Variants in FIRRM observed in about 807,000 individuals in gnomAD.
FIRRM encodes the protein FIGNL1 interacting regulator of recombination and mitosis.
the FIRRM span, among the ~76,000 whole-genome samples, chr1:169,804,670 A>C: frequency 6.6e-6 from 1 of 152,072 alleles, no homozygotes; most frequent in African/African-American, 2.4e-5. Context: ...TGCACTTTAT[A>C]CTAGTTTATT....
chr1:169,807,396 T>G, the FIRRM span, among the ~76,000 whole-genome samples: 1 of 152,230 alleles, frequency 6.6e-6, no homozygotes, highest in African/African-American at 2.4e-5. Flanking sequence ...CTCTCTATTG[T>G]AGCACCTTAG....
At chr1:169,845,413 C>T in the FIRRM span, among the ~76,000 whole-genome samples, 6 of 152,094 alleles carry the variant, frequency 3.9e-5, no homozygotes, top group African/African-American at 7.2e-5. Flanking sequence ...TCTTAAAATA[C>T]GACAATGAAG....
At chr1:169,851,039 A>C in the FIRRM span, 6 of 12,912 alleles carry the variant, frequency 4.6e-4, no homozygotes, top group Non-Finnish European at 6.4e-4. Context: ...GGGTAAGCTC[A>C]GGGCCCTTTT....
the FIRRM span, chr1:169,853,658 G>A: frequency 6.3e-7 from 1 of 1,585,776 alleles, no homozygotes. Flanking sequence ...TTGAGGTATT[G>A]ATTTTTTTTA....
chr1:169,798,587 A>C, the FIRRM span, among the ~76,000 whole-genome samples: 42 of 151,154 alleles, frequency 2.8e-4, no homozygotes, highest in African/African-American at 9.2e-4. Context: ...CCCTCTCTCT[A>C]AAAAAAAATA....
chr1:169,847,913 T>G, the FIRRM span: 1 of 637,208 alleles, frequency 1.6e-6, no homozygotes, highest in Non-Finnish European at 2.7e-6. Flanking sequence ...CTGACAAAGT[T>G]GGAAAAAAAA....
the FIRRM span, among the ~76,000 whole-genome samples, chr1:169,820,043 A>G: frequency 1.3e-5 from 2 of 152,170 alleles, no homozygotes; most frequent in African/African-American, 4.8e-5. Context: ...TGAACCCCCA[A>G]ATTCCTGTCC....
At chr1:169,819,279 G>A in the FIRRM span, among the ~76,000 whole-genome samples, 10 of 152,304 alleles carry the variant, frequency 6.6e-5, no homozygotes, top group Non-Finnish European at 1.3e-4. Context: ...TCTCTCAATG[G>A]GGGTTGAGGG....
chr1:169,827,837 C>A, the FIRRM span: 2 of 1,613,742 alleles, frequency 1.2e-6, no homozygotes, highest in Non-Finnish European at 1.7e-6. Flanking sequence ...GAAACGACAA[C>A]CAGGTAGCAA....
chr1:169,799,273 G>A, the FIRRM span, among the ~76,000 whole-genome samples: 10 of 152,178 alleles, frequency 6.6e-5, no homozygotes, highest in Admixed American at 2.6e-4. Context: ...CTACTGAATA[G>A]CTATCAGCCT....
the FIRRM span, among the ~76,000 whole-genome samples, chr1:169,844,969 A>T: frequency 6.6e-6 from 1 of 152,232 alleles, no homozygotes; most frequent in Admixed American, 6.5e-5. Flanking sequence ...TGCAAAATAA[A>T]AAATAATATG....
the FIRRM span, among the ~76,000 whole-genome samples, chr1:169,798,564 G>T: frequency 6.6e-6 from 1 of 151,798 alleles, no homozygotes; most frequent in Non-Finnish European, 1.5e-5. Context: ...ACCCCACTTG[G>T]CCCCGAGCGA....
the FIRRM span, among the ~76,000 whole-genome samples, chr1:169,802,927 CCTA>C: frequency 1.3e-5 from 2 of 152,084 alleles, no homozygotes; most frequent in East Asian, 3.8e-4. Flanking sequence ...GCTAGCTGAC[CCTA>C]CCTGTATTTT....
chr1:169,784,385 A>G, the FIRRM span, among the ~76,000 whole-genome samples: 1 of 152,152 alleles, frequency 6.6e-6, no homozygotes, highest in South Asian at 2.1e-4. Flanking sequence ...AATTGCAGGC[A>G]ACCCCTTGAC....
chr1:169,820,625 G>C, the FIRRM span, among the ~76,000 whole-genome samples: 5 of 152,220 alleles, frequency 3.3e-5, no homozygotes, highest in South Asian at 6.2e-4. Flanking sequence ...TTATTAAGAG[G>C]GGCGTTTAAA....
the FIRRM span, among the ~76,000 whole-genome samples, chr1:169,801,269 C>T: frequency 5.3e-5 from 8 of 151,758 alleles, no homozygotes; most frequent in South Asian, 1.7e-3. Flanking sequence ...CATGATGAAA[C>T]CTCGTCTCTA....
the FIRRM span, among the ~76,000 whole-genome samples, chr1:169,800,535 A>T: frequency 6.6e-6 from 1 of 152,118 alleles, no homozygotes; most frequent in African/African-American, 2.4e-5. Context: ...CATTCTTCGT[A>T]CATGTTTATC....
the FIRRM span, among the ~76,000 whole-genome samples, chr1:169,849,172 C>A: frequency 2.6e-5 from 4 of 152,196 alleles, no homozygotes; most frequent in African/African-American, 9.6e-5. Context: ...GTGAAGTCCT[C>A]ACCAAGGTGA....
the FIRRM span, among the ~76,000 whole-genome samples, chr1:169,815,596 C>T: frequency 0.016 from 2,410 of 152,246 alleles, 25 homozygotes; most frequent in Non-Finnish European, 0.023. Flanking sequence ...GTGAGGACAA[C>T]CAGAAGTCAC....
Sources: gnomAD v4.1 joint callset for allele counts (sites outside exome capture counted in the v4.1 genomes callset) on GRCh38, gnomAD v4.1.1 for gene constraint, MANE v1.5 for transcripts, NCBI Gene and HGNC (gene_info 2026-07-23, HGNC 2026-07-21) for gene names.